Variants in CA10 observed in about 807,000 individuals in gnomAD.
The protein encoded by CA10 is carbonic anhydrase 10 (inactive), also known as carbonic anhydrase-related protein 10.
CA10 carries 14 observed loss-of-function variants against 44.2 expected under a neutral mutation model. The ratio of observed to expected loss-of-function variants is 0.32; its 90% CI spans 0.21 to 0.50. The LOEUF (loss-of-function observed/expected upper bound fraction) is 0.50, where lower values mean the gene tolerates loss of function less well. Among genes scored for constraint, CA10 ranks in the 20% least tolerant of loss-of-function variants. The pLI is 0.99. For missense variants in CA10, 350 were observed against 409.7 expected, an observed-to-expected ratio of 0.85 and a Z score of 1.26; for synonymous variants, 159 against 141.6, an observed-to-expected ratio of 1.12 and a Z score of -0.87.
At chr17:51,680,329 G>A (rs535953534) in intron 4 of CA10, among the ~76,000 whole-genome samples, 14 of 152,300 alleles carry the variant, frequency 9.2e-5, no homozygotes, top group African/African-American at 2.9e-4. Flanking sequence ...TCTCAGTGTC[G>A]AAAGCCTTAA....
At chr17:51,887,562 G>T (rs1471448615) in intron 3 of CA10, among the ~76,000 whole-genome samples, 1 of 152,140 alleles carries the variant, frequency 6.6e-6, no homozygotes, top group Non-Finnish European at 1.5e-5. Context: ...ATTACTTTTG[G>T]TTCAGCGAAT....
chr17:52,110,307 C>G (rs554680013), intron 1 of CA10, among the ~76,000 whole-genome samples: 2 of 152,322 alleles, frequency 1.3e-5, no homozygotes, highest in Admixed American at 1.3e-4. Context: ...TTACTTAACT[C>G]AGACAGCAGG....
In CA10 at chr17:52,157,926, G is replaced by A; in HGVS notation, c.-140C>T. 1 of 731,848 alleles carries A rather than the reference G, an allele frequency of 1.4e-6. No individual in the cohort carries two copies. The highest frequency in any genetic ancestry group is 1.9e-5 in the Admixed American group (1 of 51,796). The allele number at this position is 731,848 out of a possible 1,614,324, so 45.3% of individuals were successfully genotyped here. Reference sequence around the variant, plus strand: ...GCACTCCCACCCGACAGCCGGCCAGGGACAGTCACCCCCAAGATCAATATC... The same window carrying A: ...GCACTCCCACCCGACAGCCGGCCAGAGACAGTCACCCCCAAGATCAATATC... On this transcript the variant is annotated 5_prime_UTR_variant, in exon 1 of 9. Coordinates refer to ENST00000451037, the MANE Select transcript of CA10 (RefSeq NM_020178.5).
intron 2 of CA10, among the ~76,000 whole-genome samples, chr17:52,059,031 C>CT (rs768330315): frequency 6.6e-6 from 1 of 152,072 alleles, no homozygotes; most frequent in Non-Finnish European, 1.5e-5. Context: ...CAAAGTATTT[C>CT]TAATTGAGGG....
intron 3 of CA10, among the ~76,000 whole-genome samples, chr17:51,925,463 G>A (rs1411777046): frequency 6.6e-6 from 1 of 151,714 alleles, no homozygotes. Flanking sequence ...GTGAGGATAT[G>A]GAAAGATTGG....
intron 1 of CA10, among the ~76,000 whole-genome samples, chr17:52,101,582 C>A (rs1443167965): frequency 1.3e-5 from 2 of 152,128 alleles, no homozygotes; most frequent in African/African-American, 4.8e-5. Context: ...TGCTTTTGAC[C>A]AATCCACATG....
chr17:51,639,068 G>C (rs1912963779), intron 6 of CA10, among the ~76,000 whole-genome samples: 1 of 152,132 alleles, frequency 6.6e-6, no homozygotes, highest in Non-Finnish European at 1.5e-5. Context: ...ACTTCATCCG[G>C]AGGCAATGCG....
intron 2 of CA10, among the ~76,000 whole-genome samples, chr17:51,932,246 G>C (rs1018611278): frequency 6.6e-6 from 1 of 152,136 alleles, no homozygotes; most frequent in Non-Finnish European, 1.5e-5. Context: ...GACTCCTGGA[G>C]AAGATGAGCC....
intron 3 of CA10, among the ~76,000 whole-genome samples, chr17:51,756,159 C>G (rs1253057167): frequency 6.6e-6 from 1 of 151,980 alleles, no homozygotes; most frequent in Non-Finnish European, 1.5e-5. Flanking sequence ...ACGCTGGGAG[C>G]TGATAGACCA....
intron 1 of CA10, among the ~76,000 whole-genome samples, chr17:52,127,264 T>A (rs1327447808): frequency 6.6e-6 from 1 of 152,228 alleles, no homozygotes; most frequent in Non-Finnish European, 1.5e-5. Context: ...GACTTTACCA[T>A]GTGGGGACAT....
chr17:51,914,036 G>GAGAA (rs1264610746), intron 3 of CA10, among the ~76,000 whole-genome samples: 1 of 152,102 alleles, frequency 6.6e-6, no homozygotes, highest in Non-Finnish European at 1.5e-5. Flanking sequence ...GACTGCCTAG[G>GAGAA]AGAAACAGAG....
chr17:52,003,153 C>T (rs1985485395), intron 2 of CA10, among the ~76,000 whole-genome samples: 1 of 152,034 alleles, frequency 6.6e-6, no homozygotes, highest in Middle Eastern at 3.4e-3. Flanking sequence ...AATATAGTCC[C>T]ATTAACCTGT....
chr17:52,051,133 G>GAAAA (rs1987058343), intron 2 of CA10, among the ~76,000 whole-genome samples: 1 of 75,666 alleles, frequency 1.3e-5, no homozygotes. Flanking sequence ...AGAAAAGAAA[G>GAAAA]GAAGAAATGA....
chr17:52,018,640 G>A (rs1446757947), intron 2 of CA10, among the ~76,000 whole-genome samples: 1 of 152,084 alleles, frequency 6.6e-6, no homozygotes, highest in Non-Finnish European at 1.5e-5. Flanking sequence ...GGTAGAAGAA[G>A]CTTGCCTTGA....
chr17:51,742,259 T>C (rs182523308), intron 4 of CA10, among the ~76,000 whole-genome samples: 127 of 152,308 alleles, frequency 8.3e-4, no homozygotes, highest in African/African-American at 3.0e-3. Context: ...CCATATGTAT[T>C]GTCCATGTAC....
At chr17:52,103,551 G>A (rs746471485) in intron 1 of CA10, among the ~76,000 whole-genome samples, 4 of 152,168 alleles carry the variant, frequency 2.6e-5, no homozygotes, top group East Asian at 1.9e-4. Context: ...GCCTGTGCCC[G>A]AGACTGCTGA....
At chr17:51,934,700 G>A (rs1982794733) in intron 2 of CA10, among the ~76,000 whole-genome samples, 1 of 152,108 alleles carries the variant, frequency 6.6e-6, no homozygotes, top group Non-Finnish European at 1.5e-5. Flanking sequence ...ACCTGATGGG[G>A]ATGATTGCAC....
intron 6 of CA10, among the ~76,000 whole-genome samples, chr17:51,644,800 CTTTTT>C (rs148441183): frequency 8.3e-4 from 100 of 121,104 alleles, no homozygotes; most frequent in African/African-American, 2.7e-3. Context: ...CATTTCTTGG[CTTTTT>C]TTTTTTTTTT....
intron 3 of CA10, among the ~76,000 whole-genome samples, chr17:51,859,965 G>C (rs1979230227): frequency 6.6e-6 from 1 of 152,174 alleles, no homozygotes; most frequent in African/African-American, 2.4e-5. Flanking sequence ...ACAATGGTGA[G>C]AGGTGAGTGG....
Sources: allele counts gnomAD v4.1 joint callset (sites outside exome capture counted in the v4.1 genomes callset), GRCh38; gene constraint gnomAD v4.1.1; transcripts MANE v1.5; gene names NCBI Gene and HGNC (gene_info 2026-07-23, HGNC 2026-07-21).